The following TNNI1 variants were observed in gnomAD, a reference collection of about 807,000 sequenced individuals.
TNNI1 encodes the protein troponin I, slow skeletal muscle.
In TNNI1, 14 loss-of-function variants were observed where a neutral mutation model predicts 26.7. The ratio of observed to expected loss-of-function variants is 0.52; its 90% CI spans 0.35 to 0.82. The LOEUF (loss-of-function observed/expected upper bound fraction) is 0.82. TNNI1 is among the 40% of genes least tolerant of loss of function. The probability of loss-of-function intolerance (pLI) is 0.01; values close to 1 mark genes in which losing one functional copy is unlikely to be tolerated. For missense variants in TNNI1, 164 were observed against 257.0 expected, an observed-to-expected ratio of 0.64 and a Z score of 2.47; for synonymous variants, 79 against 98.2, an observed-to-expected ratio of 0.80 and a Z score of 1.16.
intron 2 of TNNI1, 24 bp from the exon 3 acceptor site, chr1:201,417,143 G>A: frequency 6.2e-7 from 1 of 1,614,076 alleles, no homozygotes; most frequent in South Asian, 1.1e-5. Context: ...TCACAGGAAG[G>A]ACGGGGAAAG....
At chr1:201,413,296 G>A (rs76271378) in intron 5 of TNNI1, among the ~76,000 whole-genome samples, 175 bp from the exon 6 acceptor site, 2,817 of 152,286 alleles carry the variant, frequency 0.018, 82 homozygotes, top group African/African-American at 0.064. Flanking sequence ...TATGCCCTCT[G>A]TTCTCCTGTC....
chr1:201,420,465 G>A (rs11801332), intron 1 of TNNI1, among the ~76,000 whole-genome samples: 4,476 of 152,300 alleles, frequency 0.029, 87 homozygotes, highest in South Asian at 0.085. Flanking sequence ...TCTGGTGGTT[G>A]CCTCAGAGCT....
Position 201,417,127 on chromosome 1 carries a change from C to A in TNNI1, c.12-8G>T. ...CAAATATCACTTACCTCGCTTCAGG[C>A]ATCCATCACAGGAAGGACGGGGAAA... On this transcript the variant is annotated splice_region_variant and splice_polypyrimidine_tract_variant and intron_variant, in intron 2 of 8. Transcript: ENST00000361379. 6.2e-7 allele frequency: 1 copy of A among 1,614,152 alleles called. No homozygotes were observed. The highest frequency in any genetic ancestry group is 8.5e-7 in the Non-Finnish European group (1 of 1,180,034).
intron 3 of TNNI1, among the ~76,000 whole-genome samples, chr1:201,416,670 C>T (rs1428051714): frequency 6.6e-6 from 1 of 152,178 alleles, no homozygotes; most frequent in East Asian, 1.9e-4. Flanking sequence ...TCTCTTTGCT[C>T]CTCAATCAAT....
chr1:201,410,560 T>G lies in TNNI1; in HGVS notation c.457-125A>C. On this transcript the variant is annotated intron_variant, in intron 7 of 8. Transcript: ENST00000361379. ...AGAAATCCTGATGCCCCTCCCCAGC[T>G]GGTAAGGTCCTAGGACTCAGCCAGG... The G allele has an allele frequency of 3.7e-6, 3 of 802,894 alleles. No individual in the cohort carries two copies. In the South Asian group the frequency reaches 5.0e-5, roughly 13 times the overall value. The allele number at this position is 802,894 out of a possible 1,614,324, so 49.7% of individuals were successfully genotyped here. A position where few individuals can be genotyped will look rare whatever the true frequency, so the allele number is the denominator to read the frequency against.
chr1:201,412,577 A>G (rs1662651239), intron 6 of TNNI1, among the ~76,000 whole-genome samples: 3 of 152,144 alleles, frequency 2.0e-5, no homozygotes, highest in South Asian at 4.2e-4. Flanking sequence ...AGAGACCAGC[A>G]CTGGTCCCAG....
chr1:201,420,600 C>T (rs1662839412), intron 1 of TNNI1, among the ~76,000 whole-genome samples: 2 of 151,734 alleles, frequency 1.3e-5, no homozygotes, highest in East Asian at 1.9e-4. Context: ...AGAGAGAGAG[C>T]GTGTATATGT....
At position 201,407,305 on chromosome 1, in the gene TNNI1, A is replaced by C. The variant is rs1200330465; in HGVS notation, c.*1948T>G. 1 of 152,242 alleles carries C rather than the reference A, an allele frequency of 6.6e-6. No individual in the cohort carries two copies. The highest frequency in any genetic ancestry group is 2.4e-5 in the African/African-American group (1 of 41,444). 9.4% of individuals were successfully genotyped at this position (152,242 alleles called of 1,614,324 possible). Reference sequence around the variant, plus strand: ...TCAGGTTCTCCAACTTCGTGCATTGAGACTGGGTGTGTCCGTGCCTACGGG... The same window carrying C: ...TCAGGTTCTCCAACTTCGTGCATTGCGACTGGGTGTGTCCGTGCCTACGGG... On this transcript the variant is annotated 3_prime_UTR_variant, in exon 9 of 9. Transcript: ENST00000361379.
intron 1 of TNNI1, among the ~76,000 whole-genome samples, chr1:201,418,842 TTAATAA>T (rs1279477081): frequency 2.0e-5 from 3 of 152,118 alleles, no homozygotes; most frequent in African/African-American, 7.2e-5. Context: ...ATGTTTATTA[TTAATAA>T]TAAGTAATTA....
intron 3 of TNNI1, 35 bp from the exon 4 acceptor site, chr1:201,415,289 G>T (rs1482665871): frequency 1.2e-6 from 2 of 1,608,904 alleles, no homozygotes; most frequent in African/African-American, 2.7e-5. Context: ...AGGTGGTGAG[G>T]CAGAGGCTGC....
In TNNI1 at chr1:201,404,430, A is replaced by G. The variant is rs1426844636; in HGVS notation, c.*4823T>C. On this transcript the variant is annotated 3_prime_UTR_variant, in exon 9 of 9. Transcript: ENST00000361379. The stretch of plus-strand genomic sequence containing the variant: ...ATAAGACCCACGCCCTAAAGAATCC[A>G]GGGCAGTAAGCTCCCTGGCTTTCGG... 6.6e-6 allele frequency: 1 copy of G among 152,242 alleles called. No homozygotes were observed. The highest frequency in any genetic ancestry group is 1.5e-5 in the Non-Finnish European group (1 of 68,038). 9.4% of individuals were successfully genotyped at this position (152,242 alleles called of 1,614,324 possible).
chr1:201,412,774 G>T (rs1211242754), intron 6 of TNNI1, among the ~76,000 whole-genome samples: 2 of 152,254 alleles, frequency 1.3e-5, no homozygotes, highest in African/African-American at 4.8e-5. Context: ...ATTTGTGTGG[G>T]TGGATAAAGA....
Position 201,411,296 on chromosome 1 carries a change from G to A in TNNI1, c.456+61C>T, listed in dbSNP as rs1662631131. 3 of 1,584,308 alleles carry A rather than the reference G, an allele frequency of 1.9e-6. No individual in the cohort carries two copies. Among genetic ancestry groups the A allele is most frequent in the Non-Finnish European group, 2.6e-6 (3 of 1,161,164 alleles). On this transcript the variant is annotated intron_variant, in intron 7 of 8. Coordinates refer to ENST00000361379, the MANE Select transcript of TNNI1 (RefSeq NM_003281.4). This position sits in a 1 kb window ranked among gnomAD's most constrained non-coding sequence, Gnocchi z 4.6. ...TGGGCCAGCCTGAGGCCATGTGAGG[G>A]GTTGACAAGGGGAAAGCTGGTAGGG... is the stretch of plus-strand genomic sequence containing the variant.
chr1:201,418,582 G>C lies in TNNI1; in HGVS notation c.-19-770C>G, dbSNP rs538286972. Among the ~76,000 whole-genome samples the C allele has an allele frequency of 2.0e-5, 3 of 152,326 alleles. No homozygotes were observed. In the South Asian group the frequency reaches 6.2e-4, roughly 32 times the overall value. On this transcript the variant is annotated intron_variant, in intron 1 of 8. Coordinates refer to ENST00000361379, the MANE Select transcript of TNNI1 (RefSeq NM_003281.4). Reference sequence around the variant, plus strand: ...AAGGGTGGTCATTGAAGGGCTCAGAGAGAGGAAGGCCTAGAAAGTGAATGA... The same window carrying C: ...AAGGGTGGTCATTGAAGGGCTCAGACAGAGGAAGGCCTAGAAAGTGAATGA...
chr1:201,412,968 G>A (rs1662663880), intron 6 of TNNI1, 64 bp downstream of exon 6: 3 of 1,517,186 alleles, frequency 2.0e-6, no homozygotes, highest in Admixed American at 1.7e-5. Flanking sequence ...CATGGCTGCT[G>A]CATCCGTGCC....
chr1:201,411,208 G>T lies in TNNI1; in HGVS notation c.456+149C>A. 1.3e-6 allele frequency: 1 copy of T among 771,842 alleles called. No individual in the cohort carries two copies. The highest frequency in any genetic ancestry group is 2.1e-6 in the Non-Finnish European group (1 of 479,390). The allele number at this position is 771,842 out of a possible 1,614,324, so 47.8% of individuals were successfully genotyped here. ...AATCTTCTTTCTTTCTTCCCACACT[G>T]GTCTCCCAAAGCATTCTAGAATGTT... On this transcript the variant is annotated intron_variant, in intron 7 of 8. Coordinates refer to ENST00000361379, the MANE Select transcript of TNNI1 (RefSeq NM_003281.4). This position sits in a 1 kb window ranked among gnomAD's most constrained non-coding sequence, Gnocchi z 4.6.
chr1:201,419,007 T>C (rs1343322579), intron 1 of TNNI1, among the ~76,000 whole-genome samples: 1 of 151,908 alleles, frequency 6.6e-6, no homozygotes, highest in Non-Finnish European at 1.5e-5. Context: ...TCAGGAAAAA[T>C]AACTAATGGG....
chr1:201,420,544 T>C (rs555219631), intron 1 of TNNI1, among the ~76,000 whole-genome samples: 1 of 152,166 alleles, frequency 6.6e-6, no homozygotes, highest in South Asian at 2.1e-4. Flanking sequence ...ATTGAGTCTG[T>C]GTGTGTAAGT....
Position 201,417,704 on chromosome 1 carries a change from G to C in TNNI1, c.11+79C>G, listed in dbSNP as rs144063338. On this transcript the variant is annotated intron_variant, in intron 2 of 8. Transcript: ENST00000361379. ...AAAAGCTTTGGGGGTTGAAAACATG[G>C]TGCCTCCACTGCGGGGCTGAAGTCT... 3 of 1,229,604 alleles carry C rather than the reference G, an allele frequency of 2.4e-6. No homozygotes were observed. In the African/African-American group the frequency reaches 4.6e-5, roughly 19 times the overall value. 76.2% of individuals were successfully genotyped at this position (1,229,604 alleles called of 1,614,324 possible). A position where few individuals can be genotyped will look rare whatever the true frequency, so the allele number is the denominator to read the frequency against.
Sources: allele counts gnomAD v4.1 joint callset (sites outside exome capture counted in the v4.1 genomes callset), GRCh38; gene constraint gnomAD v4.1.1; non-coding constraint Gnocchi (gnomAD v3.1); transcripts MANE v1.5; gene names NCBI Gene and HGNC (gene_info 2026-07-23, HGNC 2026-07-21).